The following ZNF260 variants were observed in gnomAD, a reference collection of about 807,000 sequenced individuals.
ZNF260 encodes zfp-260.
In ZNF260, 21 loss-of-function variants were observed where a neutral mutation model predicts 29.3. That is an observed-to-expected ratio of 0.72 (90% CI 0.51 to 1.03). ZNF260 has a LOEUF of 1.03. Among genes scored for constraint, ZNF260 ranks in the 50% least tolerant of loss-of-function variants. The pLI is 0.00. For missense variants in ZNF260, 465 were observed against 487.8 expected (o/e 0.95, Z 0.44); for synonymous variants, 156 against 156.8 (o/e 0.99, Z 0.04).
intron 1 of ZNF260, among the ~76,000 whole-genome samples, chr19:36,526,703 A>G (rs2034741294): frequency 6.6e-6 from 1 of 152,200 alleles, no homozygotes; most frequent in Non-Finnish European, 1.5e-5. Flanking sequence ...ATGACAAGAA[A>G]AAAAAATCTG....
chr19:36,517,001 G>A (rs1231005624), intron 2 of ZNF260, among the ~76,000 whole-genome samples: 1 of 152,196 alleles, frequency 6.6e-6, no homozygotes. Flanking sequence ...TAAATAAGGT[G>A]CTTATTTCTA....
chr19:36,510,985 A>G lies in ZNF260; in HGVS notation c.*3015T>C, dbSNP rs2034441986. On this transcript the variant is annotated 3_prime_UTR_variant, in exon 3 of 3. Transcript: ENST00000523638. ...AAACACTTAAAAAATATGAAAGATTATTTAAGTAAAGCAAAATGAGGAACA... is the reference window on the plus strand; with the variant it reads ...AAACACTTAAAAAATATGAAAGATTGTTTAAGTAAAGCAAAATGAGGAACA... The G allele has an allele frequency of 6.6e-6, 1 of 152,186 alleles. No homozygotes were observed. The highest frequency in any genetic ancestry group is 2.1e-4 in the South Asian group (1 of 4,836). 9.4% of individuals were successfully genotyped at this position (152,186 alleles called of 1,614,324 possible).
intron 2 of ZNF260, 100 bp downstream of exon 2, chr19:36,525,055 A>AAAACAAAC (rs377306610): frequency 1.3e-5 from 2 of 152,354 alleles, no homozygotes; most frequent in African/African-American, 4.8e-5. Context: ...AAATCTCAAA[A>AAAACAAAC]AAACAAACAA....
At position 36,513,709 on chromosome 19, in the gene ZNF260, C is replaced by G. The variant is rs954142101; in HGVS notation, c.*291G>C. 1.6e-5 allele frequency: 7 copies of G among 430,990 alleles called. No homozygotes were observed. The highest frequency in any genetic ancestry group is 8.0e-5 in the African/African-American group (4 of 50,010). The allele number at this position is 430,990 out of a possible 1,614,324, so 26.7% of individuals were successfully genotyped here. On this transcript the variant is annotated 3_prime_UTR_variant, in exon 3 of 3. Transcript: ENST00000523638. The stretch of plus-strand genomic sequence containing the variant: ...TACATCTCATATCTATTTCTTAATG[C>G]ATCTGTAGGCCTTCCAGGAACACAT...
rs1019482030 is a variant in ZNF260 at position 36,514,470 on chromosome 19, A to G, written c.769T>C (p.Phe257Leu). The G allele has an allele frequency of 6.2e-7, 1 of 1,613,910 alleles. No homozygotes were observed. The highest frequency in any genetic ancestry group is 1.3e-5 in the African/African-American group (1 of 74,876). Residue 257 changes from phenylalanine to leucine, a missense_variant, in exon 3 of 3, where the codon TTC becomes CTC. By Grantham distance (22) the Phe-to-Leu change is conservative. Coordinates refer to ENST00000523638, the MANE Select transcript of ZNF260 (RefSeq NM_001166037.2). ...TCTGTGAGATTTGACTTGCCACTGA[A>G]GGCTTTCCCACATTCCTTACACGTA... ...PYTCKECGKA[F>L]SGKSNLTEHE...
chr19:36,528,025 C>A (rs2034764534), intron 1 of ZNF260, among the ~76,000 whole-genome samples, 194 bp downstream of exon 1: 1 of 152,110 alleles, frequency 6.6e-6, no homozygotes. Context: ...TCTCGGTCAC[C>A]CACCCGCGAA....
intron 1 of ZNF260, among the ~76,000 whole-genome samples, chr19:36,527,273 T>A (rs969767704): frequency 6.6e-6 from 1 of 152,252 alleles, no homozygotes; most frequent in Non-Finnish European, 1.5e-5. Flanking sequence ...AACTAAGTCC[T>A]GTCTTCTTTG....
chr19:36,514,666 G>A lies in ZNF260; in HGVS notation c.573C>T (p.Pro191=). 6.2e-7 allele frequency: 1 copy of A among 1,613,816 alleles called. No individual in the cohort carries two copies. Among genetic ancestry groups the A allele is most frequent in the Non-Finnish European group, 8.5e-7 (1 of 1,179,968 alleles). ...KHQNIHTGKK[P]FKCSECGKAF... ...CTTTTCCACACTCACTACATTTAAA[G>A]GGCTTCTTTCCAGTATGGATGTTCT... Residue 191 remains proline, a synonymous_variant, in exon 3 of 3, where the codon CCC becomes CCT. Transcript: ENST00000523638.
chr19:36,518,196 C>T (rs1032509115), intron 2 of ZNF260: 6 of 152,166 alleles, frequency 3.9e-5, no homozygotes, highest in African/African-American at 1.4e-4. Context: ...CATTTGGAAT[C>T]ATCTAACGAA....
At position 36,513,584 on chromosome 19, in the gene ZNF260, C is replaced by T. The variant is rs1251484904; in HGVS notation, c.*416G>A. The stretch of plus-strand genomic sequence containing the variant: ...TGTCTCAGTCTCAGTTTTATGACTG[C>T]TTCAACAACAAATAATTTTGATGAT... On this transcript the variant is annotated 3_prime_UTR_variant, in exon 3 of 3. Transcript: ENST00000523638. The T allele has an allele frequency of 4.9e-6, 2 of 406,114 alleles. No individual in the cohort carries two copies. Among genetic ancestry groups the T allele is most frequent in the Non-Finnish European group, 8.7e-6 (2 of 229,600 alleles). 25.2% of individuals were successfully genotyped at this position (406,114 alleles called of 1,614,324 possible).
In ZNF260 at chr19:36,512,303, T is replaced by C. The variant is rs937297757; in HGVS notation, c.*1697A>G. On this transcript the variant is annotated 3_prime_UTR_variant, in exon 3 of 3. Transcript: ENST00000523638. ...AGGAATGTAAGTCCATTATGTTTCA[T>C]GTACAGCTTCCTCACTCCTATCTGG... The C allele has an allele frequency of 1.3e-5, 2 of 152,212 alleles. No homozygotes were observed. The highest frequency in any genetic ancestry group is 2.4e-5 in the African/African-American group (1 of 41,470). The allele number at this position is 152,212 out of a possible 1,614,324, so 9.4% of individuals were successfully genotyped here.
At chr19:36,524,222 C>A (rs2034690520) in intron 2 of ZNF260, among the ~76,000 whole-genome samples, 1 of 152,046 alleles carries the variant, frequency 6.6e-6, no homozygotes, top group South Asian at 2.1e-4. Context: ...GTTGCCCAGG[C>A]TGGAGTGCAC....
At chr19:36,516,621 C>T (rs2034554779) in intron 2 of ZNF260, among the ~76,000 whole-genome samples, 1 of 152,148 alleles carries the variant, frequency 6.6e-6, no homozygotes. Context: ...CTCTGTCGCC[C>T]AGGCTGGAGC....
At chr19:36,526,223 C>T (rs1379306004) in intron 1 of ZNF260, among the ~76,000 whole-genome samples, 1 of 152,170 alleles carries the variant, frequency 6.6e-6, no homozygotes, top group Non-Finnish European at 1.5e-5. Context: ...ATACCAAAAT[C>T]TGCAGATGCT....
rs1451800951 is a variant in ZNF260 at position 36,512,533 on chromosome 19, C to A, written c.*1467G>T. 1 of 152,070 alleles carries A rather than the reference C, an allele frequency of 6.6e-6. No homozygotes were observed. The highest frequency in any genetic ancestry group is 1.5e-5 in the Non-Finnish European group (1 of 67,998). The allele number at this position is 152,070 out of a possible 1,614,324, so 9.4% of individuals were successfully genotyped here. The stretch of plus-strand genomic sequence containing the variant: ...CACCTCCTTTCTTCCTAGAGGTAAC[C>A]ACTCCACTTTTGGGAACTGAGTATA... On this transcript the variant is annotated 3_prime_UTR_variant, in exon 3 of 3. Coordinates refer to ENST00000523638, the MANE Select transcript of ZNF260 (RefSeq NM_001166037.2).
At position 36,514,547 on chromosome 19, in the gene ZNF260, T is replaced by A. The variant is rs1473696715; in HGVS notation, c.692A>T (p.Gln231Leu). The A allele has an allele frequency of 2.5e-6, 4 of 1,614,156 alleles. No homozygotes were observed. Among genetic ancestry groups the A allele is most frequent in the Non-Finnish European group, 3.4e-6 (4 of 1,180,028 alleles). ...CTGGTGTCTAATGAGGCTTGACTTCTGAATGAAAGCTTTCCCACACCCTTT... is the reference window on the plus strand; with the variant it reads ...CTGGTGTCTAATGAGGCTTGACTTCAGAATGAAAGCTTTCCCACACCCTTT... ...ECKGCGKAFIQKSSLIRHQRS... is the reference protein window; with the variant it reads ...ECKGCGKAFILKSSLIRHQRS... Residue 231 changes from glutamine (Q) to leucine (L), a missense_variant, in exon 3 of 3, where the codon CAG (glutamine) becomes CTG (leucine). Gln to Leu is a moderately radical substitution (Grantham distance 113). Coordinates refer to ENST00000523638, the MANE Select transcript of ZNF260 (RefSeq NM_001166037.2).
intron 1 of ZNF260, among the ~76,000 whole-genome samples, chr19:36,527,703 G>C (rs1291801483): frequency 6.6e-6 from 1 of 152,120 alleles, no homozygotes; most frequent in African/African-American, 2.4e-5. Flanking sequence ...AATGCCTACT[G>C]GGTGTACAGG....
intron 2 of ZNF260, among the ~76,000 whole-genome samples, chr19:36,519,877 C>A (rs2034612878): frequency 6.6e-6 from 1 of 152,006 alleles, no homozygotes; most frequent in Non-Finnish European, 1.5e-5. Context: ...AATAAGCACT[C>A]AAAGTAATTA....
intron 2 of ZNF260, 54 bp downstream of exon 2, chr19:36,525,101 G>A (rs2034712762): frequency 6.6e-6 from 1 of 152,278 alleles, no homozygotes; most frequent in African/African-American, 2.4e-5. Context: ...CAACTCAGAG[G>A]CTGCAAATTC....
Sources: allele counts gnomAD v4.1 joint callset (sites outside exome capture counted in the v4.1 genomes callset), GRCh38; gene constraint gnomAD v4.1.1; transcripts MANE v1.5; gene names NCBI Gene and HGNC (gene_info 2026-07-23, HGNC 2026-07-21).